The following IARS1 variants were observed in gnomAD, a reference collection of about 807,000 sequenced individuals.
IARS1 encodes the protein isoleucyl-tRNA synthetase 1, also known as isoleucine--tRNA ligase, cytoplasmic.
IARS1 carries 124 observed loss-of-function variants against 168.2 expected under a neutral mutation model. The observed-to-expected ratio is 0.74, with a 90% confidence interval of 0.64 to 0.86. The LOEUF is 0.86. Ranked by LOEUF, IARS1 falls within the 40% of genes least tolerant of loss-of-function variation. The probability of loss-of-function intolerance (pLI) is 0.00; values close to 1 mark genes in which losing one functional copy is unlikely to be tolerated. For missense variants in IARS1, 1,452 were observed against 1,515.8 expected, an observed-to-expected ratio of 0.96 and a Z score of 0.70; for synonymous variants, 532 against 529.4, an observed-to-expected ratio of 1.00 and a Z score of -0.07.
chr9:92,229,843 G>A (rs1391359094), intron 30 of IARS1, among the ~76,000 whole-genome samples: 1 of 152,058 alleles, frequency 6.6e-6, no homozygotes, highest in Non-Finnish European at 1.5e-5. Context: ...GTGTACACGT[G>A]GGTATGTTTA....
chr9:92,230,997 AAT>A (rs1564161157), intron 30 of IARS1, among the ~76,000 whole-genome samples: 1 of 152,126 alleles, frequency 6.6e-6, no homozygotes. Flanking sequence ...TCTTTTGTCA[AAT>A]ATGTTGTTTT....
chr9:92,217,293 T>C (rs1283341563), intron 33 of IARS1, among the ~76,000 whole-genome samples: 38 of 149,224 alleles, frequency 2.5e-4, no homozygotes, highest in African/African-American at 8.8e-4. Flanking sequence ...GGGAAATTTA[T>C]AGCACTAAAT....
At chr9:92,232,812 C>T (rs540790756) in intron 30 of IARS1, among the ~76,000 whole-genome samples, 2 of 152,250 alleles carry the variant, frequency 1.3e-5, no homozygotes, top group African/African-American at 2.4e-5. Context: ...AAACAGAGTC[C>T]TCTCTATTAA....
At chr9:92,286,679 T>G in intron 4 of IARS1, 61 bp from the exon 5 acceptor site, 5 of 939,524 alleles carry the variant, frequency 5.3e-6, no homozygotes, top group Non-Finnish European at 8.3e-6. Flanking sequence ...TACATCAATG[T>G]GTGTTTATTT....
chr9:92,253,639 CAG>C (rs1781505648), intron 20 of IARS1, among the ~76,000 whole-genome samples, 186 bp from the exon 21 acceptor site: 1 of 152,152 alleles, frequency 6.6e-6, no homozygotes, highest in South Asian at 2.1e-4. Context: ...ACATGGCAGT[CAG>C]AGTGTTTAGG....
At chr9:92,261,401 G>A (rs1462372175) in intron 17 of IARS1, among the ~76,000 whole-genome samples, 1 of 152,158 alleles carries the variant, frequency 6.6e-6, no homozygotes, top group African/African-American at 2.4e-5. Flanking sequence ...TACAGAGATG[G>A]AGAAAAAACC....
rs1332643880 is a variant in IARS1 at position 92,274,414 on chromosome 9, T to C, written c.990+12A>G. 1.2e-6 allele frequency: 2 copies of C among 1,602,180 alleles called. No homozygotes were observed. The highest frequency in any genetic ancestry group is 1.7e-6 in the Non-Finnish European group (2 of 1,169,228). On this transcript the variant is annotated intron_variant, in intron 10 of 33. Coordinates refer to ENST00000443024, the MANE Select transcript of IARS1 (RefSeq NM_002161.6). ...CATACTCAAATACATTTGCCAGACT[T>C]ATGCTACTCACAGCACCGAAGTAAG...
chr9:92,293,549 T>C (rs1474502594), intron 1 of IARS1, 62 bp downstream of exon 1: 3 of 495,324 alleles, frequency 6.1e-6, no homozygotes, highest in Non-Finnish European at 8.2e-6. Flanking sequence ...TGTTTCGGGG[T>C]TGTAACGCGT....
At chr9:92,233,291 C>A (rs1490669431) in intron 30 of IARS1, among the ~76,000 whole-genome samples, 2 of 152,328 alleles carry the variant, frequency 1.3e-5, no homozygotes, top group African/African-American at 4.8e-5. Context: ...AATAACTAAA[C>A]TTCCTTGTCA....
chr9:92,261,350 T>C (rs965103621), intron 17 of IARS1, among the ~76,000 whole-genome samples: 1 of 152,086 alleles, frequency 6.6e-6, no homozygotes, highest in African/African-American at 2.4e-5. Context: ...AGTTAGTTAC[T>C]GTATAATTCT....
chr9:92,259,070 G>A (rs1831157239), intron 18 of IARS1, 72 bp from the exon 19 acceptor site: 5 of 1,302,026 alleles, frequency 3.8e-6, no homozygotes, highest in Non-Finnish European at 5.2e-6. Flanking sequence ...TCGACATATT[G>A]AGAGAGCAAG....
chr9:92,243,308 A>C lies in IARS1; in HGVS notation c.2908T>G (p.Leu970Val). The change falls in exon 28 of 34, where the codon TTG becomes GTG. Residue 970 changes from leucine (L) to valine (V), a missense_variant. Physicochemically the swap from Leu to Val is conservative, Grantham distance 32. Coordinates refer to ENST00000443024, the MANE Select transcript of IARS1 (RefSeq NM_002161.6). Reference protein sequence around the residue: ...QFEAHSDAQALVLLDVTPDQS... With the variant: ...QFEAHSDAQAVVLLDVTPDQS... The stretch of plus-strand genomic sequence containing the variant: ...TCAGGAGTGACATCTAAGAGGACCA[A>C]AGCCTGTGGGAATGAACAGTGCACA... 6.2e-7 allele frequency: 1 copy of C among 1,610,488 alleles called. No homozygotes were observed. The highest frequency in any genetic ancestry group is 8.5e-7 in the Non-Finnish European group (1 of 1,176,820).
Position 92,210,829 on chromosome 9 carries a change from AAC to A in IARS1, c.3765_3766del (p.Leu1256ThrfsTer53). 6.2e-7 allele frequency: 1 copy of A among 1,610,552 alleles called. No homozygotes were observed. The highest frequency in any genetic ancestry group is 8.5e-7 in the Non-Finnish European group (1 of 1,176,708). ...ATGCTAGAAGTCTGCTGTTGTTGGT[AAC>A]ACAGAAACATACACAGTCTTCATAT... On this transcript the variant is annotated frameshift_variant, in exon 34 of 34. Transcript: ENST00000443024. LOFTEE classifies it high-confidence loss of function.
At chr9:92,235,610 C>A (rs748019406) in intron 30 of IARS1, among the ~76,000 whole-genome samples, 1 of 151,126 alleles carries the variant, frequency 6.6e-6, no homozygotes, top group Non-Finnish European at 1.5e-5. Context: ...CTCTGCCTCC[C>A]AGGTTCAAGC....
At chr9:92,238,309 G>A (rs1383460216) in intron 30 of IARS1, among the ~76,000 whole-genome samples, 1 of 152,206 alleles carries the variant, frequency 6.6e-6, no homozygotes, top group East Asian at 1.9e-4. Flanking sequence ...ATGTGGGAAA[G>A]TGGGGCTTAG....
chr9:92,280,659 TGCAAAAA>T (rs1834409861), intron 7 of IARS1, 80 bp downstream of exon 7: 3 of 762,194 alleles, frequency 3.9e-6, no homozygotes, highest in Admixed American at 2.8e-5. Context: ...CTATTCTTCA[TGCAAAAA>T]GAAAGGTAAG....
chr9:92,257,287 CA>C (rs1296604108), intron 19 of IARS1, among the ~76,000 whole-genome samples: 1 of 152,218 alleles, frequency 6.6e-6, no homozygotes, highest in Admixed American at 6.5e-5. Context: ...CCTTGCTCTA[CA>C]AACAGAACTC....
At chr9:92,272,116 CA>C (rs1444093605) in intron 10 of IARS1, among the ~76,000 whole-genome samples, 1 of 152,348 alleles carries the variant, frequency 6.6e-6, no homozygotes, top group South Asian at 2.1e-4. Flanking sequence ...AGAAGTAACT[CA>C]GCTATGAAGC....
chr9:92,225,873 A>G lies in IARS1; in HGVS notation c.3410-2384T>C, dbSNP rs1312092782. ...TTTCTCAGGTTGCTGTGAATCTGCC[A>G]ACTTGTTGGGTTAAGTGGGACAGTG... On this transcript the variant is annotated intron_variant, in intron 31 of 33. Coordinates refer to ENST00000443024, the MANE Select transcript of IARS1 (RefSeq NM_002161.6). 2.6e-5 allele frequency among the ~76,000 whole-genome samples: 4 copies of G among 152,312 alleles called. No homozygotes were observed. In the East Asian group the frequency reaches 7.7e-4, roughly 29 times the overall value.
Sources: allele counts gnomAD v4.1 joint callset (sites outside exome capture counted in the v4.1 genomes callset), GRCh38; gene constraint gnomAD v4.1.1; transcripts MANE v1.5; gene names NCBI Gene and HGNC (gene_info 2026-07-23, HGNC 2026-07-21).